Variants in TPD52L1 observed in about 807,000 individuals in gnomAD.
The protein encoded by TPD52L1 is tumor protein D53.
TPD52L1 carries 18 observed loss-of-function variants against 28.7 expected under a neutral mutation model. That is an observed-to-expected ratio of 0.63 (90% CI 0.43 to 0.93). TPD52L1 has a LOEUF of 0.93. Among genes scored for constraint, TPD52L1 ranks in the 40% least tolerant of loss-of-function variants. The probability of loss-of-function intolerance (pLI) is 0.00; values close to 1 mark genes in which losing one functional copy is unlikely to be tolerated. For synonymous variants in TPD52L1, 75 were observed against 88.8 expected, an observed-to-expected ratio of 0.84 and a Z score of 0.88; for missense variants, 203 against 254.8, an observed-to-expected ratio of 0.80 and a Z score of 1.39.
intron 3 of TPD52L1, among the ~76,000 whole-genome samples, chr6:125,246,468 C>T (rs1238352753): frequency 3.9e-5 from 6 of 152,146 alleles, no homozygotes; most frequent in African/African-American, 7.2e-5. Context: ...GTGCAAGATG[C>T]ACATTAGCCC....
At chr6:125,255,556 T>A (rs1321204191) in intron 5 of TPD52L1, among the ~76,000 whole-genome samples, 3 of 152,310 alleles carry the variant, frequency 2.0e-5, no homozygotes, top group Non-Finnish European at 4.4e-5. Context: ...GCAGGTACAT[T>A]TCTGACCATG....
intron 6 of TPD52L1, chr6:125,260,405 C>A (rs1419935454): frequency 6.6e-6 from 1 of 152,192 alleles, no homozygotes; most frequent in African/African-American, 2.4e-5. Context: ...AATGGCTTTA[C>A]ATTTTTTAAT....
intron 1 of TPD52L1, among the ~76,000 whole-genome samples, chr6:125,190,625 G>C (rs1792972478): frequency 6.6e-6 from 1 of 152,198 alleles, no homozygotes; most frequent in East Asian, 1.9e-4. Flanking sequence ...GTAGTCAGTG[G>C]GAGTCCTGAG....
In TPD52L1 at chr6:125,180,544, T is replaced by TAC. The variant is rs897364888; in HGVS notation, c.19+26586_19+26587dup. Among the ~76,000 whole-genome samples the TAC allele has an allele frequency of 4.7e-5, 7 of 149,630 alleles. No homozygotes were observed. The East Asian group carries it at 7.9e-4, about 17-fold the overall frequency. On this transcript the variant is annotated intron_variant, in intron 1 of 6. Coordinates refer to ENST00000534000, the MANE Select transcript of TPD52L1 (RefSeq NM_003287.4). ...ACAGTTTTTAAATATACATTTACCA[T>TAC]ACACACACACACATATATTATATAT...
intron 1 of TPD52L1, among the ~76,000 whole-genome samples, chr6:125,156,165 T>A (rs1417712639): frequency 6.6e-6 from 1 of 152,046 alleles, no homozygotes; most frequent in Non-Finnish European, 1.5e-5. Context: ...GTGAACAGAT[T>A]TAATAAATAC....
At chr6:125,253,373 A>G (rs1337096100) in intron 4 of TPD52L1, 1 of 297,804 alleles carries the variant, frequency 3.4e-6, no homozygotes, top group African/African-American at 2.2e-5. Context: ...TTTCCTGAGC[A>G]GAAGGGAGTA....
chr6:125,248,564 G>A, intron 4 of TPD52L1, 181 bp downstream of exon 4: 1 of 578,854 alleles, frequency 1.7e-6, no homozygotes, highest in Middle Eastern at 4.1e-4. Context: ...TTTTCTGCCT[G>A]AAGGTCAGGC....
intron 3 of TPD52L1, among the ~76,000 whole-genome samples, chr6:125,234,959 T>C (rs1332141127): frequency 6.6e-6 from 1 of 151,796 alleles, no homozygotes; most frequent in East Asian, 1.9e-4. Flanking sequence ...CCAAATATGG[T>C]GGCGTGCACC....
rs544196437 is a variant in TPD52L1 at position 125,201,405 on chromosome 6, T to C, written c.20-18673T>C. ...AGTATACAGTGTGGGTATATTATAC[T>C]TGAATACTGGTGCCCTACTGATGGA... On this transcript the variant is annotated intron_variant, in intron 1 of 6. Transcript: ENST00000534000. Among the ~76,000 whole-genome samples, 4 of 152,178 alleles carry C rather than the reference T, an allele frequency of 2.6e-5. No homozygotes were observed. The South Asian group carries it at 8.3e-4, about 32-fold the overall frequency.
intron 3 of TPD52L1, among the ~76,000 whole-genome samples, chr6:125,230,838 G>A (rs1293047265): frequency 1.3e-5 from 2 of 152,188 alleles, no homozygotes; most frequent in African/African-American, 4.8e-5. Flanking sequence ...AATGTAGCCA[G>A]GGAGCTTGTC....
chr6:125,193,558 C>G (rs1004434198), intron 1 of TPD52L1, among the ~76,000 whole-genome samples: 7 of 152,052 alleles, frequency 4.6e-5, no homozygotes, highest in African/African-American at 1.7e-4. Flanking sequence ...TCACAGGCCA[C>G]CACACTGCTG....
In TPD52L1 at chr6:125,229,236, A is replaced by C; in HGVS notation, c.254A>C (p.Lys85Thr). 3 of 1,613,496 alleles carry C rather than the reference A, an allele frequency of 1.9e-6. No individual in the cohort carries two copies. Among genetic ancestry groups the C allele is most frequent in the Non-Finnish European group, 2.5e-6 (3 of 1,179,696 alleles). The change falls in exon 3 of 7, where the codon AAA becomes ACA. Residue 85 changes from lysine to threonine, a missense_variant. Lys to Thr is a moderately conservative substitution (Grantham distance 78). Coordinates refer to ENST00000534000, the MANE Select transcript of TPD52L1 (RefSeq NM_003287.4). ...LMNELKQNFS[K>T]SWHDMQTTTA... is the part of the protein sequence containing the mutation. ...AATGAATTAAAACAGAACTTCAGCA[A>C]AAGCTGGCATGACATGCAGACTACC...
intron 1 of TPD52L1, among the ~76,000 whole-genome samples, chr6:125,159,784 G>A (rs1176110377): frequency 7.0e-6 from 1 of 143,532 alleles, no homozygotes; most frequent in East Asian, 2.0e-4. Context: ...AGACGTGTGA[G>A]CAATGTTAAT....
chr6:125,246,802 A>AC (rs1431647864), intron 3 of TPD52L1, among the ~76,000 whole-genome samples: 10 of 151,076 alleles, frequency 6.6e-5, no homozygotes, highest in Admixed American at 6.6e-4. Flanking sequence ...GACACAAATT[A>AC]CCCCCTAGTC....
At chr6:125,230,061 T>C (rs901049655) in intron 3 of TPD52L1, among the ~76,000 whole-genome samples, 6 of 152,066 alleles carry the variant, frequency 3.9e-5, no homozygotes, top group African/African-American at 1.4e-4. Context: ...CACTCCAGCC[T>C]GGCGACAGAG....
chr6:125,240,522 C>A (rs1357823916), intron 3 of TPD52L1, among the ~76,000 whole-genome samples: 3 of 152,014 alleles, frequency 2.0e-5, no homozygotes, highest in Non-Finnish European at 4.4e-5. Context: ...ATTTTCCTTG[C>A]AGGTATCTTT....
At chr6:125,260,945 A>G (rs1385500562) in intron 6 of TPD52L1, 7 of 38,586 alleles carry the variant, frequency 1.8e-4, no homozygotes, top group African/African-American at 1.7e-3. Flanking sequence ...AGAAAGAAAG[A>G]AAGAAAGAAA....
chr6:125,159,616 CCTTTCCAGAATGTTTT>C (rs1790376852), intron 1 of TPD52L1, among the ~76,000 whole-genome samples: 1 of 152,054 alleles, frequency 6.6e-6, no homozygotes, highest in Non-Finnish European at 1.5e-5. Flanking sequence ...AATGGTGAAT[CCTTTCCAGAATGTTTT>C]CAATTTATTT....
intron 1 of TPD52L1, among the ~76,000 whole-genome samples, chr6:125,182,591 GA>G (rs951276132): frequency 3.3e-5 from 5 of 151,756 alleles, no homozygotes; most frequent in African/African-American, 1.2e-4. Flanking sequence ...TGGAGTAAAT[GA>G]AAAAAGGGGA....
Sources: allele counts gnomAD v4.1 joint callset (sites outside exome capture counted in the v4.1 genomes callset), GRCh38; gene constraint gnomAD v4.1.1; transcripts MANE v1.5; gene names NCBI Gene and HGNC (gene_info 2026-07-23, HGNC 2026-07-21).